The following GPHN variants were observed in gnomAD, a reference collection of about 807,000 sequenced individuals.
The protein encoded by GPHN is gephyrin.
GPHN carries 17 observed loss-of-function variants against 95.5 expected under a neutral mutation model. The ratio of observed to expected loss-of-function variants is 0.18; its 90% CI spans 0.12 to 0.27. The LOEUF (loss-of-function observed/expected upper bound fraction) is 0.27, where lower values mean the gene tolerates loss of function less well. Ranked by LOEUF, GPHN falls within the 10% of genes least tolerant of loss-of-function variation. The pLI, the probability that GPHN is intolerant of heterozygous loss-of-function variation, is 1.00. For synonymous variants in GPHN, 320 were observed against 322.5 expected (o/e 0.99, Z 0.08); for missense variants, 660 against 978.1 (o/e 0.67, Z 4.34).
the GPHN span, among the ~76,000 whole-genome samples, chr14:67,542,934 A>G: frequency 6.6e-6 from 1 of 152,112 alleles, no homozygotes. Flanking sequence ...TCCCAACCTC[A>G]GGTGATCCTC....
At chr14:67,349,075 G>C in the GPHN span, 1 of 1,613,980 alleles carries the variant, frequency 6.2e-7, no homozygotes. Context: ...CTTCACTTGC[G>C]CTTTATTGAC....
At chr14:67,210,731 C>G in the GPHN span, among the ~76,000 whole-genome samples, 2 of 151,552 alleles carry the variant, frequency 1.3e-5, no homozygotes, top group Non-Finnish European at 2.9e-5. Flanking sequence ...TGAACTTTGC[C>G]ACAGGTCATG....
At chr14:66,617,821 C>A (rs1286876358) in intron 1 of GPHN, among the ~76,000 whole-genome samples, 2 of 152,036 alleles carry the variant, frequency 1.3e-5, no homozygotes, top group Non-Finnish European at 2.9e-5. Flanking sequence ...TGATTGCATT[C>A]TTGAAATATT....
chr14:67,482,437 G>A, the GPHN span, among the ~76,000 whole-genome samples: 1 of 152,200 alleles, frequency 6.6e-6, no homozygotes, highest in Non-Finnish European at 1.5e-5. Flanking sequence ...CATCTGGCCA[G>A]AAAATTGGGA....
Position 66,692,641 on chromosome 14 carries a change from TC to T in GPHN, c.143+11457del, listed in dbSNP as rs1250583444. Among the ~76,000 whole-genome samples the T allele has an allele frequency of 8.2e-3, 1,248 of 152,304 alleles. 13 individuals carry two copies. The highest frequency in any genetic ancestry group is 0.028 in the African/African-American group (1,179 of 41,554). ...ACAGTTTTCTATAATATTTGCTATT[TC>T]TAATTACCATTTTTATATGACCATT... On this transcript the variant is annotated intron_variant, in intron 2 of 22. Transcript: ENST00000478722.
chr14:67,699,386 C>T, the GPHN span, among the ~76,000 whole-genome samples: 1 of 151,774 alleles, frequency 6.6e-6, no homozygotes, highest in Non-Finnish European at 1.5e-5. Context: ...GAGTCCCTGT[C>T]TCAACCAAAA....
the GPHN span, among the ~76,000 whole-genome samples, chr14:67,646,029 G>A: frequency 6.6e-6 from 1 of 152,180 alleles, no homozygotes; most frequent in African/African-American, 2.4e-5. Context: ...TAACAATAGC[G>A]ACTGATATAC....
At chr14:66,528,108 T>C (rs193136930) in intron 1 of GPHN, among the ~76,000 whole-genome samples, 14 of 152,258 alleles carry the variant, frequency 9.2e-5, no homozygotes, top group Non-Finnish European at 1.9e-4. Flanking sequence ...TCTAAGTCTC[T>C]GTAGGTCTCT....
the GPHN span, chr14:67,578,349 G>A: frequency 2.5e-6 from 2 of 793,788 alleles, no homozygotes; most frequent in Non-Finnish European, 4.1e-6. The surrounding 1 kb of genome is among the most constrained non-coding windows in gnomAD (Gnocchi z 5.0). Context: ...CGGCTGAGCT[G>A]TCTATGCACA....
intron 2 of GPHN, among the ~76,000 whole-genome samples, chr14:66,701,257 C>CTT (rs5809320): frequency 0.064 from 9,784 of 151,934 alleles, 379 homozygotes; most frequent in Middle Eastern, 0.099. Flanking sequence ...GCATATTTCT[C>CTT]TTTTTTTTAC....
chr14:67,374,650 T>C, the GPHN span: 82 of 715,862 alleles, frequency 1.1e-4, 2 homozygotes, highest in African/African-American at 1.5e-3. Flanking sequence ...TTGCTTATGA[T>C]CTAATATTCT....
the GPHN span, among the ~76,000 whole-genome samples, chr14:67,357,744 AAGGGAGTGGC>A: frequency 6.6e-6 from 1 of 152,176 alleles, no homozygotes; most frequent in African/African-American, 2.4e-5. Flanking sequence ...AAAAGAGAGT[AAGGGAGTGGC>A]AGGGAGCCAG....
chr14:66,872,817 C>T (rs558211273), intron 4 of GPHN, among the ~76,000 whole-genome samples: 49 of 151,826 alleles, frequency 3.2e-4, no homozygotes, highest in African/African-American at 1.1e-3. Context: ...AACACTTGAA[C>T]CCGGGAGACG....
the GPHN span, among the ~76,000 whole-genome samples, chr14:67,564,457 G>C: frequency 6.6e-6 from 1 of 151,908 alleles, no homozygotes; most frequent in African/African-American, 2.4e-5. Context: ...GGGCACGTGA[G>C]ATCATTCTTT....
the GPHN span, among the ~76,000 whole-genome samples, chr14:67,376,213 C>T: frequency 3.9e-5 from 6 of 152,234 alleles, no homozygotes; most frequent in Admixed American, 3.9e-4. Flanking sequence ...GAGGAGGAAA[C>T]AAGTTCAGAG....
chr14:66,882,127 A>G (rs1331631761), intron 5 of GPHN, among the ~76,000 whole-genome samples: 2 of 151,776 alleles, frequency 1.3e-5, no homozygotes, highest in East Asian at 1.9e-4. Context: ...GCTATGGAAC[A>G]TGTCATAGTA....
the GPHN span, among the ~76,000 whole-genome samples, chr14:67,526,831 C>A: frequency 2.6e-5 from 4 of 151,970 alleles, no homozygotes; most frequent in Non-Finnish European, 4.4e-5. Flanking sequence ...ATACTGAGGG[C>A]AGGTTTGTCA....
At chr14:67,317,234 G>A in the GPHN span, among the ~76,000 whole-genome samples, 1 of 152,116 alleles carries the variant, frequency 6.6e-6, no homozygotes. Context: ...AGACTGAGGC[G>A]GGAGGATCAC....
At chr14:66,944,424 C>T (rs951780775) in intron 8 of GPHN, among the ~76,000 whole-genome samples, 30 of 152,202 alleles carry the variant, frequency 2.0e-4, no homozygotes, top group Admixed American at 2.0e-3. Context: ...AGATGGAGGC[C>T]TGCAGCAAAG....
Sources: allele counts gnomAD v4.1 joint callset (sites outside exome capture counted in the v4.1 genomes callset), GRCh38; gene constraint gnomAD v4.1.1; non-coding constraint Gnocchi (gnomAD v3.1); transcripts MANE v1.5; gene names NCBI Gene and HGNC (gene_info 2026-07-23, HGNC 2026-07-21).